The following VPS52 variants were observed in gnomAD, a reference collection of about 807,000 sequenced individuals.
VPS52 encodes the protein VPS52 subunit of GARP complex.
A neutral mutation model predicts 98.7 loss-of-function variants in VPS52; 56 were observed. The observed-to-expected ratio is 0.57, with a 90% CI of 0.46 to 0.71. The LOEUF (loss-of-function observed/expected upper bound fraction) is 0.71. VPS52 is among the 30% of genes least tolerant of loss of function. The probability of loss-of-function intolerance (pLI) is 0.00; values close to 1 mark genes in which losing one functional copy is unlikely to be tolerated. For synonymous variants in VPS52, 348 were observed against 346.4 expected (o/e 1.00, Z -0.05); for missense variants, 742 against 925.9 (o/e 0.80, Z 2.58).
intron 3 of VPS52, 32 bp downstream of exon 3, chr6:33,269,967 G>T: frequency 6.2e-7 from 1 of 1,613,942 alleles, no homozygotes; most frequent in Non-Finnish European, 8.5e-7. Context: ...AGAATAGATA[G>T]AAGGGCAGAT....
intron 1 of VPS52, 188 bp downstream of exon 1, chr6:33,271,398 G>A (rs749948201): frequency 7.2e-6 from 6 of 829,446 alleles, no homozygotes; most frequent in East Asian, 2.6e-5. Flanking sequence ...TTGTGCCCCA[G>A]AACATGAGTT....
chr6:33,263,438 A>G (rs62406704), intron 17 of VPS52, 46 bp downstream of exon 17: 6 of 1,386,074 alleles, frequency 4.3e-6, no homozygotes, highest in East Asian at 5.2e-5. Context: ...GAGAGAGCTG[A>G]AAACAGCACA....
intron 1 of VPS52, 29 bp from the exon 2 acceptor site, chr6:33,270,312 G>A: frequency 1.3e-6 from 2 of 1,583,952 alleles, no homozygotes; most frequent in South Asian, 1.1e-5. Context: ...ATGGGAGTAG[G>A]GTACGGTGAA....
rs183108523 is a variant in VPS52, at chr6:33,264,611, G to C, written c.1401-114C>G. The C allele has an allele frequency of 6.7e-4, 1,019 of 1,517,882 alleles. 4 individuals are homozygous for C. In the Middle Eastern group the frequency reaches 7.0e-3, roughly 10 times the overall value. 94.0% of individuals were successfully genotyped at this position (1,517,882 alleles called of 1,614,324 possible). On this transcript the variant is annotated intron_variant, in intron 13 of 19. Transcript: ENST00000445902. ...AATAGCTAGTTGTGGGGGTTGGGGG[G>C]CAGTGGTTGGAGAAAGGTGAGTCAA...
At position 33,264,108 on chromosome 6, in the gene VPS52, G is replaced by C. The variant is rs997111398; in HGVS notation, c.1525-5C>G. 4.3e-6 allele frequency: 7 copies of C among 1,613,536 alleles called. No individual in the cohort carries two copies. The highest frequency in any genetic ancestry group is 5.9e-6 in the Non-Finnish European group (7 of 1,179,770). On this transcript the variant is annotated splice_polypyrimidine_tract_variant and splice_region_variant and intron_variant, in intron 14 of 19. Transcript: ENST00000445902. The stretch of plus-strand genomic sequence containing the variant: ...CTCTGCATAGCGGCGTGTGATCTAG[G>C]AGAGAGTGGGAAGGAAAATCACACC...
chr6:33,261,877 C>A (rs938945119), intron 17 of VPS52, among the ~76,000 whole-genome samples: 1 of 151,822 alleles, frequency 6.6e-6, no homozygotes, highest in African/African-American at 2.4e-5. Context: ...CCCATCTCTA[C>A]TAAAAATACA....
intron 17 of VPS52, among the ~76,000 whole-genome samples, 158 bp from the exon 18 acceptor site, chr6:33,252,129 T>C (rs994456703): frequency 6.6e-6 from 1 of 152,216 alleles, no homozygotes; most frequent in African/African-American, 2.4e-5. Flanking sequence ...TCAATCCTAA[T>C]TTTGGCCCAT....
In VPS52 at chr6:33,266,715, G is replaced by A. The variant is rs755879824; in HGVS notation, c.1126-3C>T. On this transcript the variant is annotated splice_region_variant and splice_polypyrimidine_tract_variant and intron_variant, in intron 11 of 19. Coordinates refer to ENST00000445902, the MANE Select transcript of VPS52 (RefSeq NM_022553.6). ...CGGAAGAGGGCCTCAAATGGATACT[G>A]GGAGAGGAGGAGTAAAGAAGAAAAA... The A allele has an allele frequency of 6.2e-7, 1 of 1,603,686 alleles. No individual in the cohort carries two copies. Among genetic ancestry groups the A allele is most frequent in the Admixed American group, 1.7e-5 (1 of 58,482 alleles).
chr6:33,258,670 C>T (rs1457449508), intron 17 of VPS52, among the ~76,000 whole-genome samples: 5 of 152,058 alleles, frequency 3.3e-5, no homozygotes, highest in Non-Finnish European at 7.4e-5. Context: ...CTGCAACCTC[C>T]GCCTCCCAGG....
rs763404134 is a variant in VPS52 at position 33,263,480 on chromosome 6, C to T, written c.1794+4G>A. Reference sequence around the variant, plus strand: ...TGTCTCTTCCCTTTTCCCCACACCCCTACCTGTGTCCGAGCATTGAGCAGC... The same window carrying T: ...TGTCTCTTCCCTTTTCCCCACACCCTTACCTGTGTCCGAGCATTGAGCAGC... On this transcript the variant is annotated splice_donor_region_variant and intron_variant, in intron 17 of 19. Coordinates refer to ENST00000445902, the MANE Select transcript of VPS52 (RefSeq NM_022553.6). 2 of 1,613,742 alleles carry T rather than the reference C, an allele frequency of 1.2e-6. No individual in the cohort carries two copies. Among genetic ancestry groups the T allele is most frequent in the Non-Finnish European group, 1.7e-6 (2 of 1,179,978 alleles).
rs1183633994 is a variant in VPS52, at chr6:33,263,872, A to C, written c.1628T>G (p.Val543Gly). The C allele has an allele frequency of 6.2e-7, 1 of 1,614,036 alleles. No individual in the cohort carries two copies. The highest frequency in any genetic ancestry group is 1.7e-5 in the Admixed American group (1 of 59,998). The part of the protein sequence containing the change: ...MQLLGQLQVE[V>G]ENFVLRVAAE... ...TGCCACTCGGAGGACAAAATTCTCC[A>C]CCTCCACCTGAAAAGGCAGAGAGGA... is the stretch of plus-strand genomic sequence containing the variant. The change falls in exon 16 of 20, where the codon GTG becomes GGG. Residue 543 changes from valine to glycine, a missense_variant. Transcript: ENST00000445902.
At position 33,268,980 on chromosome 6, in the gene VPS52, A is replaced by G. The variant is rs376448992; in HGVS notation, c.548+34T>C. Reference sequence around the variant, plus strand: ...GGTCACCCCAGCCCATCCACCTGCTATGGACATTATAACCCTTCAAACTGG... The same window carrying G: ...GGTCACCCCAGCCCATCCACCTGCTGTGGACATTATAACCCTTCAAACTGG... On this transcript the variant is annotated intron_variant, in intron 6 of 19. Coordinates refer to ENST00000445902, the MANE Select transcript of VPS52 (RefSeq NM_022553.6). The surrounding 1 kb of genome is among the most constrained non-coding windows in gnomAD (Gnocchi z 4.0). 1,663 of 1,609,200 alleles carry G rather than the reference A, an allele frequency of 1.0e-3. 40 individuals are homozygous for G. In the South Asian group the frequency reaches 0.014, roughly 13 times the overall value.
intron 12 of VPS52, among the ~76,000 whole-genome samples, chr6:33,265,581 A>G (rs1453168983): frequency 6.6e-6 from 1 of 152,184 alleles, no homozygotes; most frequent in Non-Finnish European, 1.5e-5. Flanking sequence ...CGCATTGCCC[A>G]GGCTGGTCTC....
At chr6:33,265,034 AC>A (rs1764131708) in intron 12 of VPS52, 134 bp from the exon 13 acceptor site, 2 of 812,590 alleles carry the variant, frequency 2.5e-6, no homozygotes, top group African/African-American at 3.4e-5. Flanking sequence ...GTAAAATGGA[AC>A]TGCCCCCTGC....
rs1236400898 is a variant in VPS52 at position 33,268,323 on chromosome 6, T to C, written c.700-115A>G. On this transcript the variant is annotated intron_variant, in intron 7 of 19. Transcript: ENST00000445902. This position sits in a 1 kb window ranked among gnomAD's most constrained non-coding sequence, Gnocchi z 4.0. ...GGCAGAAGGGTGGTGAATATCTCTT[T>C]GGTATTTCTCAAGATTTTCAGGGAA... The C allele has an allele frequency of 1.5e-6, 2 of 1,348,576 alleles. No homozygotes were observed. The highest frequency in any genetic ancestry group is 1.5e-5 in the African/African-American group (1 of 68,894). The allele number at this position is 1,348,576 out of a possible 1,614,324, so 83.5% of individuals were successfully genotyped here. A position where few individuals can be genotyped will look rare whatever the true frequency, so the allele number is the denominator to read the frequency against.
chr6:33,250,825 G>C lies in VPS52; in HGVS notation c.*16C>G. On this transcript the variant is annotated 3_prime_UTR_variant, in exon 20 of 20. Coordinates refer to ENST00000445902, the MANE Select transcript of VPS52 (RefSeq NM_022553.6). ...CATGGAGATGACCGGCAGATCTCAGGGCGGTTTCTGGCACATCAGAAGTTG... is the reference window on the plus strand; with the variant it reads ...CATGGAGATGACCGGCAGATCTCAGCGCGGTTTCTGGCACATCAGAAGTTG... The C allele has an allele frequency of 6.2e-7, 1 of 1,606,966 alleles. No homozygotes were observed. The highest frequency in any genetic ancestry group is 1.1e-5 in the South Asian group (1 of 90,978).
intron 1 of VPS52, 126 bp downstream of exon 1, chr6:33,271,453 AGGGTACG>A: frequency 7.7e-7 from 1 of 1,306,392 alleles, no homozygotes; most frequent in South Asian, 1.3e-5. Flanking sequence ...ATCACAGGGA[AGGGTACG>A]GGGAGCCAAA....
At chr6:33,258,126 GC>G (rs1763210318) in intron 17 of VPS52, among the ~76,000 whole-genome samples, 1 of 152,128 alleles carries the variant, frequency 6.6e-6, no homozygotes, top group Admixed American at 6.6e-5. Context: ...GGTGGCTCAT[GC>G]CTGTAATCCC....
rs767483221 is a variant in VPS52 at position 33,268,538 on chromosome 6, G to A, written c.660C>T (p.Cys220=). Residue 220 remains cysteine, a synonymous_variant, in exon 7 of 20, where the codon TGC becomes TGT. Transcript: ENST00000445902. The surrounding 1 kb of genome is among the most constrained non-coding windows in gnomAD (Gnocchi z 4.0). ...GATCGAGCACGCCTCTGACATCTGCGCAGGCTGCTGTGCCTCTAGCTTCCT... is the reference window on the plus strand; with the variant it reads ...GATCGAGCACGCCTCTGACATCTGCACAGGCTGCTGTGCCTCTAGCTTCCT... The part of the protein sequence containing the change: ...REQEARGTAA[C]ADVRGVLDRL... 148 of 1,612,286 alleles carry A rather than the reference G, an allele frequency of 9.2e-5. No individual in the cohort carries two copies. The highest frequency in any genetic ancestry group is 1.8e-4 in the East Asian group (8 of 44,892).
Sources: allele counts gnomAD v4.1 joint callset (sites outside exome capture counted in the v4.1 genomes callset), GRCh38; gene constraint gnomAD v4.1.1; non-coding constraint Gnocchi (gnomAD v3.1); transcripts MANE v1.5; gene names NCBI Gene and HGNC (gene_info 2026-07-23, HGNC 2026-07-21).